The following MANBA variants were observed in gnomAD, a reference collection of about 807,000 sequenced individuals.
MANBA encodes mannosidase beta, also known as beta-mannosidase.
Under a neutral mutation model 111.1 loss-of-function variants are expected in MANBA, and 83 were observed. The observed-to-expected ratio is 0.75, with a 90% confidence interval of 0.63 to 0.90. The LOEUF is 0.90. Among genes scored for constraint, MANBA ranks in the 40% least tolerant of loss-of-function variants. The pLI is 0.00. For synonymous variants in MANBA, 370 were observed against 378.7 expected, an observed-to-expected ratio of 0.98 and a Z score of 0.27; for missense variants, 1,036 against 1,069.0, an observed-to-expected ratio of 0.97 and a Z score of 0.43.
At chr4:102,730,509 C>T in intron 1 of MANBA, 1 of 530,872 alleles carries the variant, frequency 1.9e-6, no homozygotes, top group East Asian at 5.2e-5. Flanking sequence ...ACAGTAACAA[C>T]ATTGATTCTA....
chr4:102,665,559 T>C (rs949659154), intron 10 of MANBA: 2 of 152,256 alleles, frequency 1.3e-5, no homozygotes, highest in African/African-American at 4.8e-5. Context: ...AATTAGAGAA[T>C]CTACCTGAAA....
chr4:102,694,166 A>G lies in MANBA; in HGVS notation c.674-3395T>C, dbSNP rs563097087. Among the ~76,000 whole-genome samples, 94 of 152,310 alleles carry G rather than the reference A, an allele frequency of 6.2e-4. 1 individual carries two copies. Among genetic ancestry groups the G allele is most frequent in the African/African-American group, 2.2e-3 (91 of 41,584 alleles). ...TTCTCGAGCAAGTCCGCACTCCTCCAGAGCATCACCCGTTAACACCCCTGG... is the reference window on the plus strand; with the variant it reads ...TTCTCGAGCAAGTCCGCACTCCTCCGGAGCATCACCCGTTAACACCCCTGG... On this transcript the variant is annotated intron_variant, in intron 5 of 16. Coordinates refer to ENST00000647097, the MANE Select transcript of MANBA (RefSeq NM_005908.4).
intron 11 of MANBA, among the ~76,000 whole-genome samples, chr4:102,659,586 C>A (rs758421563): frequency 1.3e-5 from 2 of 152,066 alleles, no homozygotes; most frequent in Non-Finnish European, 2.9e-5. Flanking sequence ...CCTTAGCTTC[C>A]TTAGGACTCC....
intron 4 of MANBA, among the ~76,000 whole-genome samples, chr4:102,714,894 G>C (rs1301886788): frequency 1.3e-5 from 2 of 152,122 alleles, no homozygotes; most frequent in African/African-American, 4.8e-5. Context: ...AGTTGTATTG[G>C]AATAGGGCCC....
chr4:102,729,533 G>A (rs1722949330), intron 1 of MANBA: 1 of 886,592 alleles, frequency 1.1e-6, no homozygotes, highest in Non-Finnish European at 1.9e-6. Flanking sequence ...AGCCCTTCCA[G>A]GTGAGACTCC....
intron 1 of MANBA, chr4:102,729,248 C>T: frequency 1.3e-6 from 1 of 748,026 alleles, no homozygotes; most frequent in Non-Finnish European, 2.5e-6. Flanking sequence ...CGGTTCATCT[C>T]AGAAATCTCA....
intron 5 of MANBA, among the ~76,000 whole-genome samples, chr4:102,697,336 CAA>C (rs916150177): frequency 5.9e-5 from 9 of 151,566 alleles, no homozygotes; most frequent in African/African-American, 2.2e-4. Flanking sequence ...GCAAGACTGA[CAA>C]ATCTTTATTT....
At chr4:102,665,222 G>C (rs1342038388) in intron 10 of MANBA, 1 of 231,872 alleles carries the variant, frequency 4.3e-6, no homozygotes, top group African/African-American at 2.4e-5. Context: ...TTATATTTTG[G>C]GGATTGGTTC....
In MANBA at chr4:102,714,648, A is replaced by G; in HGVS notation, c.550-87T>C. 2.3e-6 allele frequency: 3 copies of G among 1,304,550 alleles called. No homozygotes were observed. In the South Asian group the frequency reaches 3.7e-5, roughly 16 times the overall value. The allele number at this position is 1,304,550 out of a possible 1,614,324, so 80.8% of individuals were successfully genotyped here. ...AAAACATTTTCTTTAAAAATGTTACATATGTGTATATAAGTTTGCTATGGC... is the reference window on the plus strand; with the variant it reads ...AAAACATTTTCTTTAAAAATGTTACGTATGTGTATATAAGTTTGCTATGGC... On this transcript the variant is annotated intron_variant, in intron 4 of 16. Transcript: ENST00000647097.
At chr4:102,655,011 A>G (rs59208331) in intron 12 of MANBA, among the ~76,000 whole-genome samples, 1,550 of 152,306 alleles carry the variant, frequency 0.01, 31 homozygotes, top group African/African-American at 0.035. Flanking sequence ...ATTCAAGCGC[A>G]ATATACAAAA....
chr4:102,734,677 A>G, intron 1 of MANBA: 2 of 1,149,572 alleles, frequency 1.7e-6, no homozygotes, highest in Non-Finnish European at 2.5e-6. Context: ...CCTCCTGGGA[A>G]TCTATATCCT....
chr4:102,716,996 T>C (rs1485506666), intron 4 of MANBA, among the ~76,000 whole-genome samples: 1 of 152,222 alleles, frequency 6.6e-6, no homozygotes, highest in Non-Finnish European at 1.5e-5. Flanking sequence ...ATATTCAGAA[T>C]GAAAACCATC....
intron 9 of MANBA, chr4:102,670,902 A>T (rs1286559659): frequency 6.4e-6 from 1 of 155,422 alleles, no homozygotes; most frequent in African/African-American, 2.4e-5. Flanking sequence ...TTAGAAAAAC[A>T]ATATGAAACA....
At position 102,634,781 on chromosome 4, in the gene MANBA, T is replaced by G; in HGVS notation, c.2415+7A>C. 6.2e-7 allele frequency: 1 copy of G among 1,613,220 alleles called. No homozygotes were observed. Among genetic ancestry groups the G allele is most frequent in the Non-Finnish European group, 8.5e-7 (1 of 1,180,040 alleles). ...GTCCCCTGCCCTCCGCCATGACCTG[T>G]GCTTACAGTGATCTGCGCCTTGCAG... On this transcript the variant is annotated splice_region_variant and intron_variant, in intron 16 of 16. Transcript: ENST00000647097.
At chr4:102,712,106 T>A (rs1260913573) in intron 5 of MANBA, among the ~76,000 whole-genome samples, 1 of 152,114 alleles carries the variant, frequency 6.6e-6, no homozygotes, top group East Asian at 1.9e-4. Context: ...ATACTAGAGG[T>A]GATAGATACC....
chr4:102,751,668 G>C, intron 1 of MANBA: 1 of 542,546 alleles, frequency 1.8e-6, no homozygotes, highest in South Asian at 1.4e-5. Flanking sequence ...GAAGTACACA[G>C]CACCCCAGCC....
chr4:102,745,186 A>G (rs1723543932), intron 1 of MANBA, among the ~76,000 whole-genome samples: 1 of 152,160 alleles, frequency 6.6e-6, no homozygotes, highest in Non-Finnish European at 1.5e-5. Context: ...AGTCCCCAAA[A>G]TGTCTGATCA....
At chr4:102,705,369 G>A (rs913585475) in intron 5 of MANBA, among the ~76,000 whole-genome samples, 3 of 152,160 alleles carry the variant, frequency 2.0e-5, no homozygotes, top group African/African-American at 7.2e-5. Context: ...GCCCCGAATG[G>A]ACTGCAGGCT....
intron 1 of MANBA, among the ~76,000 whole-genome samples, chr4:102,739,925 A>T (rs1723342601): frequency 6.6e-6 from 1 of 152,204 alleles, no homozygotes; most frequent in South Asian, 2.1e-4. Context: ...TTGACATAGG[A>T]CTGGAAGACA....
Sources: allele counts gnomAD v4.1 joint callset (sites outside exome capture counted in the v4.1 genomes callset), GRCh38; gene constraint gnomAD v4.1.1; transcripts MANE v1.5; gene names NCBI Gene and HGNC (gene_info 2026-07-23, HGNC 2026-07-21).